The following CELF2 variants were observed in gnomAD, a reference collection of about 807,000 sequenced individuals.
The protein encoded by CELF2 is CUG triplet repeat RNA-binding protein 2.
CELF2 carries 8 observed loss-of-function variants against 62.6 expected under a neutral mutation model. The ratio of observed to expected loss-of-function variants is 0.13; its 90% CI spans 0.07 to 0.23. CELF2 has a LOEUF of 0.23. Ranked by LOEUF, CELF2 falls within the 10% of genes least tolerant of loss-of-function variation. CELF2 has a pLI of 1.00. For synonymous variants in CELF2, 258 were observed against 250.0 expected (o/e 1.03, Z -0.30); for missense variants, 333 against 671.0 (o/e 0.50, Z 5.56).
chr10:11,045,808 C>T (rs901159110), intron 1 of CELF2, among the ~76,000 whole-genome samples: 1 of 152,110 alleles, frequency 6.6e-6, no homozygotes, highest in African/African-American at 2.4e-5. Flanking sequence ...ACAGAGACCC[C>T]CTTAAGGTGC....
chr10:11,111,497 G>A (rs1462786730), intron 1 of CELF2, among the ~76,000 whole-genome samples: 1 of 152,108 alleles, frequency 6.6e-6, no homozygotes, highest in Non-Finnish European at 1.5e-5. Context: ...TCCCAACATA[G>A]CCCACCAGTT....
At chr10:11,166,664 G>C (rs980415116) in intron 2 of CELF2, among the ~76,000 whole-genome samples, 5 of 152,154 alleles carry the variant, frequency 3.3e-5, no homozygotes, top group African/African-American at 9.7e-5. Context: ...TGGTGTTTCT[G>C]TCTGGCATGT....
the CELF2 span, among the ~76,000 whole-genome samples, chr10:10,555,744 A>G: frequency 6.6e-6 from 1 of 152,078 alleles, no homozygotes; most frequent in Non-Finnish European, 1.5e-5. Flanking sequence ...ACACACATGC[A>G]CTCACACTCA....
At chr10:10,531,725 G>C in the CELF2 span, among the ~76,000 whole-genome samples, 1 of 152,138 alleles carries the variant, frequency 6.6e-6, no homozygotes, top group Non-Finnish European at 1.5e-5. Flanking sequence ...TCTCACTTCT[G>C]TTTGATAAAT....
chr10:10,921,425 C>T (rs1023008127), intron 2 of CELF2, among the ~76,000 whole-genome samples: 4 of 151,854 alleles, frequency 2.6e-5, no homozygotes, highest in East Asian at 1.9e-4. Flanking sequence ...TGCACCACTA[C>T]GCCCAGCTAA....
intron 1 of CELF2, among the ~76,000 whole-genome samples, chr10:11,122,834 T>C (rs900342418): frequency 4.6e-5 from 7 of 152,188 alleles, no homozygotes; most frequent in African/African-American, 1.7e-4. Flanking sequence ...AAGTTTGCAA[T>C]TGCTGTTGTG....
intron 2 of CELF2, among the ~76,000 whole-genome samples, chr10:11,171,605 C>T (rs2068873563): frequency 6.6e-6 from 1 of 152,150 alleles, no homozygotes; most frequent in African/African-American, 2.4e-5. Context: ...CGAAGGTAGC[C>T]CTAAATCCAG....
chr10:10,874,334 G>C (rs2060951012), intron 1 of CELF2, among the ~76,000 whole-genome samples: 1 of 151,086 alleles, frequency 6.6e-6, no homozygotes, highest in Non-Finnish European at 1.5e-5. Context: ...TCTCTTAAAA[G>C]AAAGAGTAGT....
At chr10:11,317,650 C>T (rs1451354032) in intron 10 of CELF2, 3 of 152,254 alleles carry the variant, frequency 2.0e-5, no homozygotes, top group Non-Finnish European at 4.4e-5. Context: ...TTCTCCTTTT[C>T]AGTGTCATCT....
chr10:11,087,154 G>C (rs757101284), intron 1 of CELF2, among the ~76,000 whole-genome samples: 6 of 152,178 alleles, frequency 3.9e-5, no homozygotes, highest in Non-Finnish European at 8.8e-5. Context: ...CATTGGTGTT[G>C]AGAATGTTTG....
chr10:10,529,805 G>A, the CELF2 span, among the ~76,000 whole-genome samples: 1 of 151,800 alleles, frequency 6.6e-6, no homozygotes, highest in African/African-American at 2.4e-5. Flanking sequence ...AAATAATTTT[G>A]GTATAATAAG....
intron 1 of CELF2, among the ~76,000 whole-genome samples, chr10:10,886,238 G>A (rs569922402): frequency 6.6e-6 from 1 of 151,826 alleles, no homozygotes; most frequent in Non-Finnish European, 1.5e-5. Context: ...GCCCAAGTTA[G>A]TTATACCAGC....
At position 11,088,887 on chromosome 10, in the gene CELF2, G is replaced by A. The variant is rs192537271; in HGVS notation, c.74+70724G>A. On this transcript the variant is annotated intron_variant, in intron 1 of 12. Coordinates refer to ENST00000633077, the MANE Select transcript of CELF2 (RefSeq NM_001326342.2). Reference sequence around the variant, plus strand: ...TGGAGGTGTCCTCGCTAGCACATCTGACAGGTGGGAAGTGTTACCAGAAAA... The same window carrying A: ...TGGAGGTGTCCTCGCTAGCACATCTAACAGGTGGGAAGTGTTACCAGAAAA... Among the ~76,000 whole-genome samples, 172 of 152,306 alleles carry A rather than the reference G, an allele frequency of 1.1e-3. 1 individual carries two copies. The highest frequency in any genetic ancestry group is 3.9e-3 in the African/African-American group (163 of 41,560).
intron 1 of CELF2, among the ~76,000 whole-genome samples, chr10:11,038,515 T>C (rs1713419673): frequency 6.6e-6 from 1 of 152,218 alleles, no homozygotes; most frequent in African/African-American, 2.4e-5. Flanking sequence ...GTGATTACTC[T>C]TCTACCAAAG....
At chr10:11,307,805 A>G (rs1410617630) in intron 9 of CELF2, among the ~76,000 whole-genome samples, 3 of 152,154 alleles carry the variant, frequency 2.0e-5, no homozygotes, top group African/African-American at 4.8e-5. Flanking sequence ...TTCAGTAGCA[A>G]TGGGGCTGGG....
chr10:10,930,529 G>C (rs2065952980), intron 2 of CELF2, among the ~76,000 whole-genome samples: 1 of 152,180 alleles, frequency 6.6e-6, no homozygotes, highest in Non-Finnish European at 1.5e-5. Context: ...TTGTGCAGTA[G>C]TGGAACTTCT....
chr10:11,111,713 TC>T lies in CELF2; in HGVS notation c.75-53771del, dbSNP rs2055218389. Among the ~76,000 whole-genome samples, 5 of 152,242 alleles carry T rather than the reference TC, an allele frequency of 3.3e-5. No homozygotes were observed. In the South Asian group the frequency reaches 1.0e-3, roughly 32 times the overall value. On this transcript the variant is annotated intron_variant, in intron 1 of 12. Transcript: ENST00000633077. ...CGATTGAAATCATGTGGATGCATCT[TC>T]CTGTGCTATGTCTTTCCTACAGGCA...
chr10:10,950,602 G>A (rs1404583771), intron 2 of CELF2, among the ~76,000 whole-genome samples: 1 of 152,168 alleles, frequency 6.6e-6, no homozygotes, highest in Admixed American at 6.5e-5. Flanking sequence ...GATTTCATGA[G>A]GGTGACATGA....
At chr10:11,181,966 T>C (rs973938795) in intron 2 of CELF2, among the ~76,000 whole-genome samples, 1 of 152,220 alleles carries the variant, frequency 6.6e-6, no homozygotes, top group Non-Finnish European at 1.5e-5. Context: ...GGGCACTCCA[T>C]GGAGCATGAA....
Sources: gnomAD v4.1 joint callset for allele counts (sites outside exome capture counted in the v4.1 genomes callset) on GRCh38, gnomAD v4.1.1 for gene constraint, MANE v1.5 for transcripts, NCBI Gene and HGNC (gene_info 2026-07-23, HGNC 2026-07-21) for gene names.